The following BTBD10 variants were observed in gnomAD, a reference collection of about 807,000 sequenced individuals.
BTBD10 encodes BTB domain containing 10.
Under a neutral mutation model 53.2 loss-of-function variants are expected in BTBD10, and 21 were observed. The ratio of observed to expected loss-of-function variants is 0.39; its 90% CI spans 0.28 to 0.57. The LOEUF is 0.57. Among genes scored for constraint, BTBD10 ranks in the 20% least tolerant of loss-of-function variants. The pLI, the probability that BTBD10 is intolerant of heterozygous loss-of-function variation, is 0.53. For synonymous variants in BTBD10, 149 were observed against 192.7 expected (o/e 0.77, Z 1.88); for missense variants, 360 against 594.7 (o/e 0.61, Z 4.10).
At chr11:13,456,959 G>A (rs1040364046) in intron 1 of BTBD10, among the ~76,000 whole-genome samples, 8 of 152,170 alleles carry the variant, frequency 5.3e-5, no homozygotes, top group Non-Finnish European at 1.2e-4. Flanking sequence ...CTAGGAGTTT[G>A]AGACCAGCCT....
At chr11:13,389,966 C>T (rs1949364461) in intron 8 of BTBD10, among the ~76,000 whole-genome samples, 1 of 152,076 alleles carries the variant, frequency 6.6e-6, no homozygotes, top group Non-Finnish European at 1.5e-5. Flanking sequence ...TTACTACTCC[C>T]AACAACCAAG....
intron 8 of BTBD10, among the ~76,000 whole-genome samples, chr11:13,391,580 A>G (rs2135728928): frequency 6.6e-6 from 1 of 152,334 alleles, no homozygotes; most frequent in East Asian, 1.9e-4. Context: ...TGCAGGTGCT[A>G]AACAAATATT....
intron 8 of BTBD10, among the ~76,000 whole-genome samples, chr11:13,397,816 G>T (rs1363173221): frequency 1.3e-5 from 2 of 152,200 alleles, no homozygotes; most frequent in African/African-American, 4.8e-5. Context: ...AGTCATTCAG[G>T]AGAAGGTTGT....
intron 2 of BTBD10, among the ~76,000 whole-genome samples, chr11:13,436,812 C>CAA (rs1950551444): frequency 6.6e-6 from 1 of 152,098 alleles, no homozygotes; most frequent in Non-Finnish European, 1.5e-5. Flanking sequence ...GAAAGAGTCT[C>CAA]ACTCTGTCAT....
intron 8 of BTBD10, among the ~76,000 whole-genome samples, chr11:13,399,103 G>T (rs1210437257): frequency 6.6e-6 from 1 of 152,326 alleles, no homozygotes; most frequent in Admixed American, 6.5e-5. Context: ...TTCCTTGCTA[G>T]ATTGGGGAAG....
chr11:13,403,055 A>C, intron 8 of BTBD10, 113 bp downstream of exon 8: 4 of 684,252 alleles, frequency 5.8e-6, no homozygotes, highest in Non-Finnish European at 7.3e-6. Context: ...TGTGGTAATC[A>C]TTTGTCAGAG....
At chr11:13,403,110 GT>G in intron 8 of BTBD10, 57 bp downstream of exon 8, 1 of 1,073,056 alleles carries the variant, frequency 9.3e-7, no homozygotes, top group South Asian at 1.5e-5. Context: ...AGATCCAATT[GT>G]TTTTAACCTT....
In BTBD10 at chr11:13,440,146, C is replaced by A. The variant is rs1303143945; in HGVS notation, c.101+4878G>T. On this transcript the variant is annotated intron_variant, in intron 2 of 8. Transcript: ENST00000278174. ...TTCCTCCCTCTACTGTGTAATAATG[C>A]TGTTGCAATATTTAGGCTTTAAATA... The A allele has an allele frequency of 2.0e-6, 3 of 1,499,472 alleles. No individual in the cohort carries two copies. The South Asian group carries it at 3.6e-5, about 18-fold the overall frequency. 92.9% of individuals were successfully genotyped at this position (1,499,472 alleles called of 1,614,324 possible). A position where few individuals can be genotyped will look rare whatever the true frequency, so the allele number is the denominator to read the frequency against.
At chr11:13,407,554 T>C (rs185991989) in intron 6 of BTBD10, among the ~76,000 whole-genome samples, 1 of 152,344 alleles carries the variant, frequency 6.6e-6, no homozygotes, top group Admixed American at 6.5e-5. Context: ...AAATCCTGGA[T>C]TTCTCCTTTA....
chr11:13,407,100 A>T (rs138085022), intron 6 of BTBD10, among the ~76,000 whole-genome samples: 99 of 151,936 alleles, frequency 6.5e-4, no homozygotes, highest in African/African-American at 1.8e-3. Flanking sequence ...ACAATGGAAC[A>T]CTCTTTCTTG....
At chr11:13,391,752 T>C (rs1450278052) in intron 8 of BTBD10, among the ~76,000 whole-genome samples, 1 of 152,218 alleles carries the variant, frequency 6.6e-6, no homozygotes, top group Non-Finnish European at 1.5e-5. Flanking sequence ...GAGTCCATCC[T>C]GACCAACATG....
At chr11:13,401,008 C>G (rs950031533) in intron 8 of BTBD10, among the ~76,000 whole-genome samples, 3 of 151,988 alleles carry the variant, frequency 2.0e-5, no homozygotes, top group Non-Finnish European at 4.4e-5. Context: ...GGGGAGACCA[C>G]TGAGAAATTT....
At chr11:13,448,113 T>C (rs1950782406) in intron 1 of BTBD10, among the ~76,000 whole-genome samples, 1 of 152,168 alleles carries the variant, frequency 6.6e-6, no homozygotes, top group Non-Finnish European at 1.5e-5. Context: ...CAAGCACTTA[T>C]AAGCATTTAC....
intron 2 of BTBD10, among the ~76,000 whole-genome samples, chr11:13,431,179 G>A (rs1028773196): frequency 2.0e-5 from 3 of 151,964 alleles, no homozygotes; most frequent in Admixed American, 6.6e-5. Context: ...TTAGCAGAGT[G>A]CACTAAATTC....
chr11:13,426,333 A>G lies in BTBD10; in HGVS notation c.102-4495T>C, dbSNP rs937712555. On this transcript the variant is annotated intron_variant, in intron 2 of 8. Coordinates refer to ENST00000278174, the MANE Select transcript of BTBD10 (RefSeq NM_032320.7). ...CAGGCAAAAAAAGACACATGAATTCATCATGAGAAGACCTGCATTGCAAGA... is the reference window on the plus strand; with the variant it reads ...CAGGCAAAAAAAGACACATGAATTCGTCATGAGAAGACCTGCATTGCAAGA... Among the ~76,000 whole-genome samples, 5 of 152,178 alleles carry G rather than the reference A, an allele frequency of 3.3e-5. No individual in the cohort carries two copies. In the East Asian group the frequency reaches 9.6e-4, roughly 29 times the overall value.
chr11:13,440,212 T>C, intron 2 of BTBD10: 2 of 1,356,870 alleles, frequency 1.5e-6, no homozygotes, highest in East Asian at 3.3e-5. Context: ...TTCAGTTTAT[T>C]TTCTCACAGA....
At chr11:13,412,096 G>A (rs1370166836) in intron 6 of BTBD10, among the ~76,000 whole-genome samples, 1 of 152,070 alleles carries the variant, frequency 6.6e-6, no homozygotes, top group Non-Finnish European at 1.5e-5. Flanking sequence ...CTCCCAAAGT[G>A]CTGAGATTAC....
At chr11:13,423,994 A>C (rs1430632744) in intron 2 of BTBD10, among the ~76,000 whole-genome samples, 1 of 151,188 alleles carries the variant, frequency 6.6e-6, no homozygotes, top group Non-Finnish European at 1.5e-5. Context: ...ACAGATCAAA[A>C]GATCCTACTG....
At chr11:13,417,301 T>C in intron 4 of BTBD10, 41 bp from the exon 5 acceptor site, 1 of 1,392,262 alleles carries the variant, frequency 7.2e-7, no homozygotes, top group South Asian at 1.3e-5. Flanking sequence ...AATAGAATAC[T>C]TCCTTCAAAA....
Sources: allele counts gnomAD v4.1 joint callset (sites outside exome capture counted in the v4.1 genomes callset), GRCh38; gene constraint gnomAD v4.1.1; transcripts MANE v1.5; gene names NCBI Gene and HGNC (gene_info 2026-07-23, HGNC 2026-07-21).